Variants in CDH13 observed in about 807,000 individuals in gnomAD.
The protein encoded by CDH13 is cadherin-13.
In CDH13, 24 loss-of-function variants were observed where a neutral mutation model predicts 63.8. That is an observed-to-expected ratio of 0.38 (90% confidence interval 0.27 to 0.53). CDH13 has a LOEUF of 0.53. CDH13 is among the 20% of genes least tolerant of loss of function. CDH13 has a pLI of 0.85. For synonymous variants in CDH13, 503 were observed against 355.3 expected (o/e 1.42, Z -4.67); for missense variants, 1,049 against 903.1 (o/e 1.16, Z -2.07).
intron 1 of CDH13, among the ~76,000 whole-genome samples, chr16:82,755,385 A>G (rs184453061): frequency 1.9e-3 from 290 of 152,336 alleles, no homozygotes; most frequent in Non-Finnish European, 3.0e-3. Flanking sequence ...CTGCTTAAGC[A>G]AGTTGTGTTT....
chr16:82,641,846 C>T (rs556344986), intron 1 of CDH13, among the ~76,000 whole-genome samples: 27 of 151,894 alleles, frequency 1.8e-4, no homozygotes, highest in African/African-American at 5.8e-4. Flanking sequence ...GGGAGAGAGA[C>T]AATAAAAAAA....
At position 82,885,358 on chromosome 16, in the gene CDH13, T is replaced by C. The variant is rs919550026; in HGVS notation, c.157+26885T>C. Reference sequence around the variant, plus strand: ...AATCAGTTTTATGTTTTTTCTTTCATGACAGCTTCATCCATCTATCCACCT... The same window carrying C: ...AATCAGTTTTATGTTTTTTCTTTCACGACAGCTTCATCCATCTATCCACCT... On this transcript the variant is annotated intron_variant, in intron 2 of 13. Transcript: ENST00000567109. Among the ~76,000 whole-genome samples, 17 of 152,204 alleles carry C rather than the reference T, an allele frequency of 1.1e-4. 1 individual carries two copies. The highest frequency in any genetic ancestry group is 7.7e-4 in the East Asian group (4 of 5,196).
At chr16:82,741,608 C>G (rs1200278237) in intron 1 of CDH13, among the ~76,000 whole-genome samples, 1 of 152,020 alleles carries the variant, frequency 6.6e-6, no homozygotes, top group Non-Finnish European at 1.5e-5. Context: ...TGGTAGGCTT[C>G]AAATAAGGTG....
intron 11 of CDH13, among the ~76,000 whole-genome samples, chr16:83,764,341 C>G (rs916135982): frequency 6.6e-6 from 1 of 152,194 alleles, no homozygotes; most frequent in African/African-American, 2.4e-5. Context: ...TTGTCTCTGG[C>G]TGAATGGGCA....
At chr16:83,225,020 C>A (rs2039800043) in intron 5 of CDH13, among the ~76,000 whole-genome samples, 1 of 152,072 alleles carries the variant, frequency 6.6e-6, no homozygotes, top group African/African-American at 2.4e-5. Context: ...AAACTGTGGC[C>A]CCAGACTAAC....
intron 2 of CDH13, among the ~76,000 whole-genome samples, chr16:82,863,637 T>C (rs2040022423): frequency 6.6e-6 from 1 of 152,194 alleles, no homozygotes; most frequent in African/African-American, 2.4e-5. Context: ...CACAAATAAA[T>C]GGAAGCTGCT....
At chr16:83,134,178 T>C (rs2036172494) in intron 4 of CDH13, among the ~76,000 whole-genome samples, 2 of 152,146 alleles carry the variant, frequency 1.3e-5, no homozygotes, top group South Asian at 2.1e-4. Context: ...TCAGGTCATA[T>C]AAGCATTCTT....
chr16:83,308,131 T>C (rs1405458435), intron 5 of CDH13, among the ~76,000 whole-genome samples: 3 of 152,180 alleles, frequency 2.0e-5, no homozygotes, highest in East Asian at 3.8e-4. Flanking sequence ...CCTTAACACA[T>C]TTTTATATTT....
At chr16:83,077,159 T>C (rs2032898370) in intron 3 of CDH13, among the ~76,000 whole-genome samples, 1 of 144,332 alleles carries the variant, frequency 6.9e-6, no homozygotes, top group African/African-American at 2.6e-5. Flanking sequence ...TTTCTTTTTC[T>C]TTCTTTTCTT....
chr16:83,128,473 C>G (rs904728860), intron 4 of CDH13, among the ~76,000 whole-genome samples: 5 of 152,062 alleles, frequency 3.3e-5, no homozygotes, highest in African/African-American at 9.6e-5. Flanking sequence ...AATGCACTTT[C>G]TCCTCCTGTC....
chr16:83,700,349 G>A (rs912966328), intron 10 of CDH13, among the ~76,000 whole-genome samples: 3 of 152,084 alleles, frequency 2.0e-5, no homozygotes, highest in Non-Finnish European at 4.4e-5. Context: ...TTTAACAGAC[G>A]GAAACATGCC....
At chr16:82,851,981 T>C (rs1341831787) in intron 1 of CDH13, among the ~76,000 whole-genome samples, 1 of 152,014 alleles carries the variant, frequency 6.6e-6, no homozygotes. Flanking sequence ...CCAACACTAA[T>C]GACAAGAAAG....
chr16:83,275,073 A>C (rs2088944196), intron 5 of CDH13, among the ~76,000 whole-genome samples: 1 of 152,168 alleles, frequency 6.6e-6, no homozygotes, highest in Non-Finnish European at 1.5e-5. Context: ...ACATGAGGGC[A>C]GGGATCGTTG....
chr16:83,571,633 A>T (rs979716485), intron 7 of CDH13, among the ~76,000 whole-genome samples: 9 of 152,122 alleles, frequency 5.9e-5, no homozygotes, highest in African/African-American at 2.2e-4. Flanking sequence ...TAACGCTGGC[A>T]TGTGCCTTGA....
intron 2 of CDH13, among the ~76,000 whole-genome samples, chr16:82,882,698 T>C (rs773545489): frequency 5.3e-5 from 8 of 152,034 alleles, no homozygotes; most frequent in Non-Finnish European, 2.9e-5. Flanking sequence ...TCCTTCCTTT[T>C]AGAAAAAACA....
At chr16:83,219,938 C>T (rs1408238388) in intron 5 of CDH13, among the ~76,000 whole-genome samples, 1 of 152,112 alleles carries the variant, frequency 6.6e-6, no homozygotes, top group Non-Finnish European at 1.5e-5. Context: ...GAAGTTGTGC[C>T]TGGTTTGTAA....
At chr16:83,745,986 A>T (rs374581942) in intron 10 of CDH13, among the ~76,000 whole-genome samples, 17 of 152,190 alleles carry the variant, frequency 1.1e-4, no homozygotes, top group African/African-American at 3.9e-4. Flanking sequence ...TCGCAGCTCC[A>T]AGGTCAGACC....
intron 6 of CDH13, among the ~76,000 whole-genome samples, chr16:83,414,702 A>G (rs2092175277): frequency 6.6e-6 from 1 of 152,218 alleles, no homozygotes; most frequent in African/African-American, 2.4e-5. Flanking sequence ...ATTTCACGTC[A>G]CATAATGTCT....
At chr16:83,036,579 T>C (rs888840411) in intron 3 of CDH13, among the ~76,000 whole-genome samples, 1 of 152,130 alleles carries the variant, frequency 6.6e-6, no homozygotes, top group Non-Finnish European at 1.5e-5. Context: ...GAATGCCAGA[T>C]TGTCAGGACC....
Sources: allele counts gnomAD v4.1 joint callset (sites outside exome capture counted in the v4.1 genomes callset), GRCh38; gene constraint gnomAD v4.1.1; transcripts MANE v1.5; gene names NCBI Gene and HGNC (gene_info 2026-07-23, HGNC 2026-07-21).